TNK1: variants seen among roughly 807,000 people sequenced by gnomAD.
TNK1 encodes tyrosine kinase non receptor 1.
Under a neutral mutation model 65.2 loss-of-function variants are expected in TNK1, and 53 were observed. That is an observed-to-expected ratio of 0.81 (90% CI 0.65 to 1.02). The LOEUF (loss-of-function observed/expected upper bound fraction) is 1.02. Ranked by LOEUF, TNK1 falls within the 50% of genes least tolerant of loss-of-function variation. The pLI is 0.00. For missense variants in TNK1, 837 were observed against 878.4 expected (o/e 0.95, Z 0.60); for synonymous variants, 353 against 364.6 (o/e 0.97, Z 0.36).
At chr17:7,385,211 C>G (rs140006032) in intron 7 of TNK1, among the ~76,000 whole-genome samples, 115 of 151,980 alleles carry the variant, frequency 7.6e-4, no homozygotes, top group African/African-American at 2.6e-3. Flanking sequence ...CTAAAAAATA[C>G]AAAATTAGCT....
At chr17:7,383,669 C>T in intron 4 of TNK1, 40 bp from the exon 5 acceptor site, 2 of 1,601,832 alleles carry the variant, frequency 1.2e-6, no homozygotes, top group Non-Finnish European at 1.7e-6. Flanking sequence ...CTCTGTTCTT[C>T]ATGCCCGCAA....
Position 7,382,076 on chromosome 17 carries a change from G to A in TNK1, c.-91-760G>A, listed in dbSNP as rs1394723161. Among the ~76,000 whole-genome samples the A allele has an allele frequency of 6.6e-6, 1 of 152,184 alleles. No individual in the cohort carries two copies. The highest frequency in any genetic ancestry group is 1.5e-5 in the Non-Finnish European group (1 of 68,028). On this transcript the variant is annotated intron_variant, in intron 1 of 12. Transcript: ENST00000688331. The surrounding 1 kb of genome is among the most constrained non-coding windows in gnomAD (Gnocchi z 4.1). ...AGGTCAGGAGTTCAAGACCAGCCTG[G>A]CCAATATGGTGAAACCCCATCTCTA...
chr17:7,384,647 AG>A lies in TNK1; in HGVS notation c.1032del (p.Arg344SerfsTer45). 6.2e-7 allele frequency: 1 copy of A among 1,608,378 alleles called. No individual in the cohort carries two copies. The highest frequency in any genetic ancestry group is 8.5e-7 in the Non-Finnish European group (1 of 1,177,902). On this transcript the variant is annotated frameshift_variant, in exon 7 of 13. Transcript: ENST00000688331. LOFTEE classifies it high-confidence loss of function. Reference protein sequence around the residue: ...QRLEDRARLPRPPLCSRALYS... With the variant: ...QRLEDRARLPXPPLCSRALYS... ...GCTGGAGGACAGAGCCCGGCTGCCT[AG>A]GCCTCCCCTCTGCTCCAGGGCCCTC...
Position 7,384,144 on chromosome 17 carries a change from C to A in TNK1, c.757C>A (p.Leu253Met). Residue 253 changes from leucine (L) to methionine (M), a missense_variant, in exon 6 of 13, where the codon CTG (leucine) becomes ATG (methionine). Transcript: ENST00000688331. The part of the protein sequence containing the change: ...HRDLATRNLL[L>M]ASPRTIKVAD... ...AGACCTCGCTACGCGCAACCTACTG[C>A]TGGCGTCGCCGCGCACCATCAAGGT... The A allele has an allele frequency of 6.5e-7, 1 of 1,544,118 alleles. No individual in the cohort carries two copies. Among genetic ancestry groups the A allele is most frequent in the Non-Finnish European group, 8.7e-7 (1 of 1,152,334 alleles).
In TNK1 at chr17:7,384,087, G is replaced by A; in HGVS notation, c.700G>A (p.Ala234Thr). The change falls in exon 6 of 13, where the codon GCG becomes ACG. Residue 234 changes from alanine (A) to threonine (T), a missense_variant. Coordinates refer to ENST00000688331, the MANE Select transcript of TNK1 (RefSeq NM_003985.6). ...LFLRQLAGAM[A>T]YLGARGLVHR... ...CCTGCGGCAGCTGGCGGGAGCCATG[G>A]CGTACCTGGGGGCCCGCGGGCTGGT... The A allele has an allele frequency of 1.3e-6, 2 of 1,542,792 alleles. No individual in the cohort carries two copies. Among genetic ancestry groups the A allele is most frequent in the Middle Eastern group, 1.8e-4 (1 of 5,408 alleles).
Position 7,389,390 on chromosome 17 carries a change from T to A in TNK1, c.*306T>A. 1 of 500,244 alleles carries A rather than the reference T, an allele frequency of 2.0e-6. No individual in the cohort carries two copies. The allele number at this position is 500,244 out of a possible 1,614,324, so 31.0% of individuals were successfully genotyped here. A position where few individuals can be genotyped will look rare whatever the true frequency, so the allele number is the denominator to read the frequency against. ...AAGAAAAGAGCTGCTATACATCATATGCAGAGGAAGCTTCTACGCGCTAGA... is the reference window on the plus strand; with the variant it reads ...AAGAAAAGAGCTGCTATACATCATAAGCAGAGGAAGCTTCTACGCGCTAGA... On this transcript the variant is annotated 3_prime_UTR_variant, in exon 13 of 13. Transcript: ENST00000688331.
chr17:7,384,489 C>A lies in TNK1; in HGVS notation c.872C>A (p.Ala291Asp). 1 of 1,553,302 alleles carries A rather than the reference C, an allele frequency of 6.4e-7. No homozygotes were observed. Among genetic ancestry groups the A allele is most frequent in the Non-Finnish European group, 8.7e-7 (1 of 1,145,546 alleles). Residue 291 changes from alanine (A) to aspartate (D), a missense_variant, in exon 7 of 13, where the codon GCC (alanine) becomes GAC (aspartate). Transcript: ENST00000688331. ...GPRPIPYAWC[A>D]PESLRHGAFS... ...AGCTCCACTTCCTTCGGCAGGTGTG[C>A]CCCAGAGAGCCTGCGCCACGGAGCC...
intron 8 of TNK1, 115 bp from the exon 9 acceptor site, chr17:7,386,875 C>T: frequency 7.3e-7 from 1 of 1,373,996 alleles, no homozygotes; most frequent in Non-Finnish European, 9.8e-7. Context: ...GGCTTCCCTT[C>T]CTCCAGGCAG....
Position 7,388,767 on chromosome 17 carries a change from G to A in TNK1, c.1777-21G>A, listed in dbSNP as rs1296908869. ...GCTACAGGCAGGGGCAGGGGCCTGA[G>A]TGAGGCTTTGTCTGTCACAGGTGGA... On this transcript the variant is annotated intron_variant, in intron 11 of 12. Coordinates refer to ENST00000688331, the MANE Select transcript of TNK1 (RefSeq NM_003985.6). This position sits in a 1 kb window ranked among gnomAD's most constrained non-coding sequence, Gnocchi z 4.5. The A allele has an allele frequency of 1.2e-6, 2 of 1,604,454 alleles. No individual in the cohort carries two copies. Among genetic ancestry groups the A allele is most frequent in the Non-Finnish European group, 1.7e-6 (2 of 1,174,892 alleles).
intron 7 of TNK1, 124 bp downstream of exon 7, chr17:7,384,878 A>G (rs1274770253): frequency 7.7e-7 from 1 of 1,290,678 alleles, no homozygotes; most frequent in East Asian, 2.6e-5. Flanking sequence ...GCTCTGAGCA[A>G]AACAGATGCA....
At position 7,389,410 on chromosome 17, in the gene TNK1, G is replaced by A. The variant is rs1034089129; in HGVS notation, c.*326G>A. On this transcript the variant is annotated 3_prime_UTR_variant, in exon 13 of 13. Coordinates refer to ENST00000688331, the MANE Select transcript of TNK1 (RefSeq NM_003985.6). ...TCATATGCAGAGGAAGCTTCTACGCGCTAGAGAGGATCAAGGGGCCACACT... is the reference window on the plus strand; with the variant it reads ...TCATATGCAGAGGAAGCTTCTACGCACTAGAGAGGATCAAGGGGCCACACT... The A allele has an allele frequency of 3.8e-5, 18 of 475,556 alleles. No individual in the cohort carries two copies. Among genetic ancestry groups the A allele is most frequent in the Non-Finnish European group, 4.1e-5 (11 of 270,700 alleles). The allele number at this position is 475,556 out of a possible 1,614,324, so 29.5% of individuals were successfully genotyped here.
In TNK1 at chr17:7,388,480, A is replaced by G; in HGVS notation, c.1552A>G (p.Ile518Val). Residue 518 changes from isoleucine to valine, a missense_variant, in exon 11 of 13, where the codon ATT (isoleucine) becomes GTT (valine). Transcript: ENST00000688331. The surrounding 1 kb of genome is among the most constrained non-coding windows in gnomAD (Gnocchi z 4.5). ...PTGGGSSPPE[I>V]RQARAVPQGP... ...AGGGGGTGGTTCAAGCCCCCCTGAA[A>G]TTCGACAAGCCAGAGCTGTGCCCCA... The G allele has an allele frequency of 4.3e-6, 7 of 1,613,844 alleles. No individual in the cohort carries two copies. Among genetic ancestry groups the G allele is most frequent in the Non-Finnish European group, 5.9e-6 (7 of 1,179,848 alleles).
At chr17:7,383,896 AGCCGTGCG>A (rs1234711648) in intron 5 of TNK1, 32 bp downstream of exon 5, 1 of 1,591,442 alleles carries the variant, frequency 6.3e-7, no homozygotes, top group East Asian at 2.3e-5. Flanking sequence ...TTCCCGGGAC[AGCCGTGCG>A]GCAGGAGCGT....
chr17:7,383,638 T>G, intron 4 of TNK1, 22 bp downstream of exon 4: 1 of 1,595,154 alleles, frequency 6.3e-7, no homozygotes, highest in Non-Finnish European at 8.6e-7. Context: ...GGGAGCCCGC[T>G]TCATCCAGGC....
Position 7,383,255 on chromosome 17 carries a change from C to T in TNK1, c.169C>T (p.Arg57Cys), listed in dbSNP as rs566127443. Residue 57 changes from arginine to cysteine, a missense_variant, in exon 3 of 13, where the codon CGC (arginine) becomes TGC (cysteine). Transcript: ENST00000688331. ...DGIGMGRPAQ[R>C]RLSEALKRLR... ...CTGATTCTGGCCTCCCACAGCCCAGCGCAGACTGTCCGAAGCTCTGAAAAG... is the reference window on the plus strand; with the variant it reads ...CTGATTCTGGCCTCCCACAGCCCAGTGCAGACTGTCCGAAGCTCTGAAAAG... 1.4e-5 allele frequency: 22 copies of T among 1,614,038 alleles called. No individual in the cohort carries two copies. The highest frequency in any genetic ancestry group is 1.8e-5 in the Non-Finnish European group (21 of 1,179,898).
Position 7,383,266 on chromosome 17 carries a change from C to G in TNK1, c.180C>G (p.Ser60=), listed in dbSNP as rs371167554. ...CTCCCACAGCCCAGCGCAGACTGTCCGAAGCTCTGAAAAGGCTACGTTCTG... is the reference window on the plus strand; with the variant it reads ...CTCCCACAGCCCAGCGCAGACTGTCGGAAGCTCTGAAAAGGCTACGTTCTG... ...GMGRPAQRRL[S]EALKRLRSGP... The change falls in exon 3 of 13, where the codon TCC becomes TCG. Residue 60 remains serine, a synonymous_variant. Transcript: ENST00000688331. 18 of 1,614,016 alleles carry G rather than the reference C, an allele frequency of 1.1e-5. No individual in the cohort carries two copies. In the South Asian group the frequency reaches 1.4e-4, roughly 13 times the overall value.
At position 7,382,930 on chromosome 17, in the gene TNK1, C is replaced by T; in HGVS notation, c.4C>T (p.Leu2Phe). Reference sequence around the variant, plus strand: ...CTTAGGAACTCCTTCTCCAGACATGCTTCCTGAGGCTGGCTCCCTGTGGCT... The same window carrying T: ...CTTAGGAACTCCTTCTCCAGACATGTTTCCTGAGGCTGGCTCCCTGTGGCT... M[L>F]PEAGSLWLLK... Residue 2 changes from leucine (L) to phenylalanine (F), a missense_variant, in exon 2 of 13, where the codon CTT becomes TTT. Transcript: ENST00000688331. This position sits in a 1 kb window ranked among gnomAD's most constrained non-coding sequence, Gnocchi z 4.1. 1 of 1,613,926 alleles carries T rather than the reference C, an allele frequency of 6.2e-7. No homozygotes were observed. The highest frequency in any genetic ancestry group is 8.5e-7 in the Non-Finnish European group (1 of 1,179,830).
chr17:7,389,208 C>G lies in TNK1; in HGVS notation c.*124C>G, dbSNP rs552739010. 1 of 750,226 alleles carries G rather than the reference C, an allele frequency of 1.3e-6. No individual in the cohort carries two copies. The highest frequency in any genetic ancestry group is 1.8e-5 in the South Asian group (1 of 56,290). 46.5% of individuals were successfully genotyped at this position (750,226 alleles called of 1,614,324 possible). On this transcript the variant is annotated 3_prime_UTR_variant, in exon 13 of 13. Coordinates refer to ENST00000688331, the MANE Select transcript of TNK1 (RefSeq NM_003985.6). ...GGGTAGACGTTCCACCTGGGGAGAT[C>G]CCACCTGCCGTAGGCACATGGAGGA...
At chr17:7,386,723 T>C (rs1267508177) in intron 8 of TNK1, 68 bp downstream of exon 8, 2 of 1,320,794 alleles carry the variant, frequency 1.5e-6, no homozygotes, top group Non-Finnish European at 2.1e-6. Flanking sequence ...TCCTGATCCC[T>C]TCTCTGCTTC....
Sources: gnomAD v4.1 joint callset for allele counts (sites outside exome capture counted in the v4.1 genomes callset) on GRCh38, gnomAD v4.1.1 for gene constraint, Gnocchi (gnomAD v3.1) non-coding constraint, MANE v1.5 for transcripts, NCBI Gene and HGNC (gene_info 2026-07-23, HGNC 2026-07-21) for gene names.